RBPJ: variants seen among roughly 807,000 people sequenced by gnomAD.
The protein encoded by RBPJ is recombining binding protein suppressor of hairless.
RBPJ carries 9 observed loss-of-function variants against 67.8 expected under a neutral mutation model. The observed-to-expected ratio is 0.13, with a 90% CI of 0.08 to 0.23. The LOEUF is 0.23. Ranked by LOEUF, RBPJ falls within the 10% of genes least tolerant of loss-of-function variation. The probability of loss-of-function intolerance (pLI) is 1.00; values close to 1 mark genes in which losing one functional copy is unlikely to be tolerated. For missense variants in RBPJ, 305 were observed against 595.6 expected, an observed-to-expected ratio of 0.51 and a Z score of 5.08; for synonymous variants, 198 against 203.3, an observed-to-expected ratio of 0.97 and a Z score of 0.22.
chr4:26,201,363 C>T (rs1717975504), intron 1 of RBPJ, among the ~76,000 whole-genome samples: 1 of 152,132 alleles, frequency 6.6e-6, no homozygotes, highest in Non-Finnish European at 1.5e-5. Flanking sequence ...TTTCATAACT[C>T]CCTCTGTGGT....
chr4:26,428,149 T>C (rs1197056190), intron 7 of RBPJ, among the ~76,000 whole-genome samples: 1 of 152,238 alleles, frequency 6.6e-6, no homozygotes, highest in Non-Finnish European at 1.5e-5. Context: ...GATTTTGTTA[T>C]GTTTTTAAAT....
At chr4:26,423,607 A>G (rs548730283) in intron 5 of RBPJ, among the ~76,000 whole-genome samples, 1 of 152,286 alleles carries the variant, frequency 6.6e-6, no homozygotes, top group South Asian at 2.1e-4. Flanking sequence ...TATGTCTTGT[A>G]TTCAGGCTAT....
At chr4:26,138,252 C>T in the RBPJ span, among the ~76,000 whole-genome samples, 1 of 152,132 alleles carries the variant, frequency 6.6e-6, no homozygotes, top group Non-Finnish European at 1.5e-5. Context: ...AAATAAATAC[C>T]TTCCACTGTT....
chr4:26,382,429 TG>T (rs1168241419), intron 1 of RBPJ, among the ~76,000 whole-genome samples: 1 of 152,264 alleles, frequency 6.6e-6, no homozygotes, highest in African/African-American at 2.4e-5. Context: ...GCAGGATGCA[TG>T]TAGTACCTTA....
At chr4:26,395,420 G>C (rs911579705) in intron 2 of RBPJ, among the ~76,000 whole-genome samples, 1 of 152,192 alleles carries the variant, frequency 6.6e-6, no homozygotes, top group Non-Finnish European at 1.5e-5. Context: ...CTTTACTCCA[G>C]CTTGGGTGAC....
chr4:26,425,453 G>GC (rs200555454), intron 7 of RBPJ, among the ~76,000 whole-genome samples: 23 of 150,478 alleles, frequency 1.5e-4, no homozygotes, highest in East Asian at 5.8e-4. Context: ...CACTGACCCC[G>GC]CCCCCCCAAA....
intron 1 of RBPJ, among the ~76,000 whole-genome samples, chr4:26,189,013 C>T (rs1717380135): frequency 6.6e-6 from 1 of 152,090 alleles, no homozygotes; most frequent in African/African-American, 2.4e-5. Flanking sequence ...ATAGTCTTTC[C>T]TTAAGCTGTG....
intron 1 of RBPJ, among the ~76,000 whole-genome samples, chr4:26,338,152 C>CT (rs1725080548): frequency 2.2e-5 from 2 of 92,956 alleles, no homozygotes; most frequent in African/African-American, 4.4e-5. Flanking sequence ...GTGTATTTTT[C>CT]TTTCTTTTTT....
rs140738618 is a variant in RBPJ, at chr4:26,360,778, T to G, written c.21-25575T>G. Among the ~76,000 whole-genome samples, 273 of 151,404 alleles carry G rather than the reference T, an allele frequency of 1.8e-3. 1 individual carries two copies. The highest frequency in any genetic ancestry group is 6.0e-3 in the African/African-American group (246 of 41,190). ...TGGGTTTTTTTTATTTTTTTTTTCT[T>G]TTGGTATTTTTAGTAGAGATAGGGT... is the stretch of plus-strand genomic sequence containing the variant. On this transcript the variant is annotated intron_variant, in intron 1 of 10. Coordinates refer to ENST00000355476, the MANE Select transcript of RBPJ (RefSeq NM_015874.6).
At chr4:26,306,304 G>T (rs1722236941) in intron 1 of RBPJ, among the ~76,000 whole-genome samples, 1 of 152,010 alleles carries the variant, frequency 6.6e-6, no homozygotes, top group Non-Finnish European at 1.5e-5. Flanking sequence ...GGTTTCCTAT[G>T]GATGACTTTT....
chr4:26,213,818 G>C (rs973548776), intron 1 of RBPJ, among the ~76,000 whole-genome samples: 1 of 152,072 alleles, frequency 6.6e-6, no homozygotes, highest in African/African-American at 2.4e-5. Flanking sequence ...CCAGGAGGGA[G>C]ATGATGGCAG....
chr4:26,329,482 C>T (rs755337127), intron 1 of RBPJ, among the ~76,000 whole-genome samples: 9 of 152,144 alleles, frequency 5.9e-5, no homozygotes, highest in African/African-American at 2.2e-4. Flanking sequence ...CTGTAAGTCA[C>T]TAAAATAAGT....
intron 1 of RBPJ, among the ~76,000 whole-genome samples, chr4:26,224,619 A>C (rs1044184686): frequency 1.3e-5 from 2 of 152,084 alleles, no homozygotes; most frequent in East Asian, 3.9e-4. Flanking sequence ...AGGCCTCCCA[A>C]AGTGCTCGGA....
the RBPJ span, among the ~76,000 whole-genome samples, chr4:26,106,266 T>A: frequency 6.6e-6 from 1 of 152,228 alleles, no homozygotes; most frequent in African/African-American, 2.4e-5. Flanking sequence ...GCAATAGAGT[T>A]CTAGATATTT....
chr4:26,365,576 T>C (rs1303920758), intron 1 of RBPJ, among the ~76,000 whole-genome samples: 1 of 152,238 alleles, frequency 6.6e-6, no homozygotes, highest in Non-Finnish European at 1.5e-5. Flanking sequence ...TTTAGTTTTA[T>C]CAAAAGATTG....
chr4:26,278,750 CAG>C (rs1183780929), intron 1 of RBPJ, among the ~76,000 whole-genome samples: 1 of 152,178 alleles, frequency 6.6e-6, no homozygotes, highest in Non-Finnish European at 1.5e-5. Context: ...ATTTTCCTGA[CAG>C]GGGCTTTACA....
intron 1 of RBPJ, among the ~76,000 whole-genome samples, chr4:26,326,696 G>A (rs1481079248): frequency 6.6e-6 from 1 of 152,116 alleles, no homozygotes; most frequent in African/African-American, 2.4e-5. Context: ...GGTAAATTTT[G>A]TGAAATAAGG....
chr4:26,173,924 T>TACC (rs1415846390), intron 1 of RBPJ, among the ~76,000 whole-genome samples: 1 of 152,150 alleles, frequency 6.6e-6, no homozygotes, highest in Admixed American at 6.5e-5. Flanking sequence ...AGGAGAGGTG[T>TACC]GTACAAAGTA....
At chr4:26,107,337 A>G in the RBPJ span, among the ~76,000 whole-genome samples, 4 of 152,172 alleles carry the variant, frequency 2.6e-5, no homozygotes, top group Non-Finnish European at 2.9e-5. Flanking sequence ...TGTTTTCTCA[A>G]ATCCTCTCAG....
Sources: gnomAD v4.1 joint callset for allele counts (sites outside exome capture counted in the v4.1 genomes callset) on GRCh38, gnomAD v4.1.1 for gene constraint, MANE v1.5 for transcripts, NCBI Gene and HGNC (gene_info 2026-07-23, HGNC 2026-07-21) for gene names.